CFAP70: variants seen among roughly 807,000 people sequenced by gnomAD.
CFAP70 encodes cilia- and flagella-associated protein 70.
In CFAP70, 81 loss-of-function variants were observed where a neutral mutation model predicts 137.6. The observed-to-expected ratio is 0.59, with a 90% CI of 0.49 to 0.71. The LOEUF (loss-of-function observed/expected upper bound fraction) is 0.71. Among genes scored for constraint, CFAP70 ranks in the 30% least tolerant of loss-of-function variants. The pLI, the probability that CFAP70 is intolerant of heterozygous loss-of-function variation, is 0.00. For missense variants in CFAP70, 976 were observed against 1,226.7 expected, an observed-to-expected ratio of 0.80 and a Z score of 3.05; for synonymous variants, 382 against 423.6, an observed-to-expected ratio of 0.90 and a Z score of 1.20.
At chr10:73,300,933 G>C (rs1225802286) in intron 12 of CFAP70, among the ~76,000 whole-genome samples, 2 of 152,218 alleles carry the variant, frequency 1.3e-5, no homozygotes, top group Non-Finnish European at 2.9e-5. Context: ...TTTGGGAATA[G>C]AGCATTAAAC....
At chr10:73,317,716 T>A (rs1589458517) in intron 9 of CFAP70, among the ~76,000 whole-genome samples, 1 of 152,030 alleles carries the variant, frequency 6.6e-6, no homozygotes, top group East Asian at 1.9e-4. Flanking sequence ...TTGATGTAGT[T>A]TGGCTCTTTA....
At chr10:73,316,481 G>GATATATCTATATATATATAT (rs1253458738) in intron 9 of CFAP70, among the ~76,000 whole-genome samples, 54 of 106,548 alleles carry the variant, frequency 5.1e-4, no homozygotes, top group African/African-American at 1.8e-3. Flanking sequence ...TATATATATA[G>GATATATCTATATATATATAT]ATATAGATAT....
chr10:73,349,974 GTGA>G (rs964579881), intron 3 of CFAP70, among the ~76,000 whole-genome samples: 5 of 152,160 alleles, frequency 3.3e-5, no homozygotes, highest in African/African-American at 1.2e-4. Flanking sequence ...TAGCAAGTGT[GTGA>G]TAATAGCATT....
chr10:73,280,066 C>A (rs1222449169), intron 19 of CFAP70, among the ~76,000 whole-genome samples: 1 of 152,114 alleles, frequency 6.6e-6, no homozygotes, highest in Non-Finnish European at 1.5e-5. Flanking sequence ...TTTTAGCTAT[C>A]CCGGTGATAA....
At chr10:73,330,530 T>C (rs930534087) in intron 8 of CFAP70, among the ~76,000 whole-genome samples, 5 of 151,542 alleles carry the variant, frequency 3.3e-5, no homozygotes, top group Non-Finnish European at 4.4e-5. Flanking sequence ...AATACTTACA[T>C]ACTACAAAGG....
At chr10:73,280,533 C>T (rs942660815) in intron 19 of CFAP70, among the ~76,000 whole-genome samples, 4 of 152,094 alleles carry the variant, frequency 2.6e-5, no homozygotes, top group African/African-American at 9.7e-5. Flanking sequence ...ATAGAATACA[C>T]TAATAAAGCC....
At chr10:73,341,667 A>G in intron 5 of CFAP70, 86 bp from the exon 7 acceptor site, 2 of 1,189,710 alleles carry the variant, frequency 1.7e-6, no homozygotes, top group Non-Finnish European at 2.4e-6. Context: ...TTTTCAATGG[A>G]ATGCTGAGTG....
Position 73,275,694 on chromosome 10 carries a change from T to C in CFAP70, c.2521-96A>G. Reference sequence around the variant, plus strand: ...GTCTCTGATAATAAATAATACGAAATGTATTACAGAATGAAATAATTATCC... The same window carrying C: ...GTCTCTGATAATAAATAATACGAAACGTATTACAGAATGAAATAATTATCC... On this transcript the variant is annotated intron_variant, in intron 21 of 26. Coordinates refer to ENST00000310715, the Ensembl canonical transcript of CFAP70. The surrounding 1 kb of genome is among the most constrained non-coding windows in gnomAD (Gnocchi z 4.0). The C allele has an allele frequency of 9.4e-7, 1 of 1,063,166 alleles. No homozygotes were observed. The highest frequency in any genetic ancestry group is 1.3e-6 in the Non-Finnish European group (1 of 771,930). The allele number at this position is 1,063,166 out of a possible 1,614,324, so 65.9% of individuals were successfully genotyped here. A position where few individuals can be genotyped will look rare whatever the true frequency, so the allele number is the denominator to read the frequency against.
chr10:73,293,697 C>T (rs1589381272), intron 15 of CFAP70: 2 of 203,086 alleles, frequency 9.8e-6, no homozygotes, highest in Non-Finnish European at 2.0e-5. Flanking sequence ...CAGGTCACCT[C>T]TGACCTCAAA....
intron 4 of CFAP70, among the ~76,000 whole-genome samples, chr10:73,346,516 G>A (rs1043200247): frequency 1.3e-5 from 2 of 151,874 alleles, no homozygotes; most frequent in East Asian, 2.0e-4. Flanking sequence ...TGGTGGTGGT[G>A]CCTGTAATCT....
chr10:73,354,389 G>T (rs1427062805), intron 2 of CFAP70, among the ~76,000 whole-genome samples: 1 of 151,770 alleles, frequency 6.6e-6, no homozygotes, highest in Non-Finnish European at 1.5e-5. Flanking sequence ...TCACATTGTT[G>T]TTGTTTTTTT....
chr10:73,351,721 G>A (rs930668182), intron 3 of CFAP70, among the ~76,000 whole-genome samples: 1 of 152,214 alleles, frequency 6.6e-6, no homozygotes, highest in South Asian at 2.1e-4. Context: ...TTGAGCCACT[G>A]TGCCCAGCCC....
At chr10:73,312,018 C>A in intron 10 of CFAP70, 104 bp from the exon 12 acceptor site, 1 of 860,882 alleles carries the variant, frequency 1.2e-6, no homozygotes, top group South Asian at 1.5e-5. Flanking sequence ...CTAACTGCAG[C>A]CATAAAAAAG....
chr10:73,354,775 C>T (rs1374873566), exon 2 of CFAP70: 3 of 1,613,964 alleles, frequency 1.9e-6, no homozygotes, highest in East Asian at 2.2e-5. Context: ...ACGAGTCTGC[C>T]TGCTGATGGC....
At chr10:73,309,744 C>G (rs978770987) in intron 12 of CFAP70, among the ~76,000 whole-genome samples, 3 of 151,620 alleles carry the variant, frequency 2.0e-5, no homozygotes, top group Non-Finnish European at 4.4e-5. Flanking sequence ...GCAACCTCCG[C>G]CTCCCAGGTT....
intron 23 of CFAP70, among the ~76,000 whole-genome samples, chr10:73,273,460 A>G (rs2046460298): frequency 6.6e-6 from 1 of 152,254 alleles, no homozygotes; most frequent in African/African-American, 2.4e-5. Context: ...AAGATCTTAG[A>G]ATTTTAGAAA....
intron 25 of CFAP70, 90 bp from the exon 27 acceptor site, chr10:73,256,506 A>C: frequency 7.4e-7 from 1 of 1,345,324 alleles, no homozygotes; most frequent in Non-Finnish European, 1.1e-6. Flanking sequence ...AGAGGCACCT[A>C]CACCTAAGGC....
intron 8 of CFAP70, among the ~76,000 whole-genome samples, chr10:73,327,307 T>C (rs1331519789): frequency 1.3e-5 from 2 of 150,558 alleles, no homozygotes; most frequent in Admixed American, 1.3e-4. Context: ...CTAAAAACTC[T>C]CAATAAATTA....
At chr10:73,302,377 G>A (rs79048173) in intron 12 of CFAP70, among the ~76,000 whole-genome samples, 44 of 152,284 alleles carry the variant, frequency 2.9e-4, no homozygotes, top group African/African-American at 1.0e-3. Context: ...GTTAAATGCT[G>A]ATGACAGGTC....
Sources: gnomAD v4.1 joint callset for allele counts (sites outside exome capture counted in the v4.1 genomes callset) on GRCh38, gnomAD v4.1.1 for gene constraint, Gnocchi (gnomAD v3.1) non-coding constraint, MANE v1.5 for transcripts, NCBI Gene and HGNC (gene_info 2026-07-23, HGNC 2026-07-21) for gene names.